TENT4B: variants seen among roughly 807,000 people sequenced by gnomAD.
TENT4B encodes the protein PAP associated domain containing 5.
A neutral mutation model predicts 75.0 loss-of-function variants in TENT4B; 10 were observed. The observed-to-expected ratio is 0.13, with a 90% CI of 0.08 to 0.23. The LOEUF is 0.23. Among genes scored for constraint, TENT4B ranks in the 10% least tolerant of loss-of-function variants. TENT4B has a pLI of 1.00. For missense variants in TENT4B, 579 were observed against 893.8 expected (o/e 0.65, Z 4.49); for synonymous variants, 350 against 357.7 (o/e 0.98, Z 0.24).
At position 50,220,402 on chromosome 16, in the gene TENT4B, AC is replaced by A. The variant is rs574863378; in HGVS notation, c.1039-1903del. ...GCTATGTTGCCCAAGCTGTTCTTAAACTCCTGGGCTCAAGCAGTCCTCCTTC... is the reference window on the plus strand; with the variant it reads ...GCTATGTTGCCCAAGCTGTTCTTAAATCCTGGGCTCAAGCAGTCCTCCTTC... On this transcript the variant is annotated intron_variant, in intron 5 of 11. Coordinates refer to ENST00000561678, the MANE Select transcript of TENT4B (RefSeq NM_001365324.3). 1.3e-4 allele frequency among the ~76,000 whole-genome samples: 20 copies of A among 148,224 alleles called. 2 individuals carry two copies. In the East Asian group the frequency reaches 3.8e-3, roughly 28 times the overall value.
At chr16:50,214,079 G>C in intron 2 of TENT4B, 142 bp from the exon 3 acceptor site, 1 of 636,550 alleles carries the variant, frequency 1.6e-6, no homozygotes, top group Non-Finnish European at 2.8e-6. Flanking sequence ...ATGAAGCTTG[G>C]GGTTAGAAAA....
intron 1 of TENT4B, among the ~76,000 whole-genome samples, chr16:50,167,759 G>A (rs936947093): frequency 1.2e-4 from 18 of 151,954 alleles, no homozygotes; most frequent in African/African-American, 4.1e-4. Context: ...CTCGGTTCAA[G>A]CAATTCTCAT....
At chr16:50,164,768 G>T (rs1175195121) in intron 1 of TENT4B, among the ~76,000 whole-genome samples, 1 of 152,046 alleles carries the variant, frequency 6.6e-6, no homozygotes, top group African/African-American at 2.4e-5. Context: ...GGCTGGGCAT[G>T]GTGGCTCACC....
upstream of TENT4B, among the ~76,000 whole-genome samples, chr16:50,153,194 G>GA (rs1359596918): frequency 8.1e-6 from 1 of 123,850 alleles, no homozygotes; most frequent in Non-Finnish European, 1.8e-5. Context: ...GGGGGGGGGG[G>GA]GCGGAGCGAG....
chr16:50,172,683 C>A (rs1455050045), intron 1 of TENT4B, among the ~76,000 whole-genome samples: 1 of 152,008 alleles, frequency 6.6e-6, no homozygotes, highest in African/African-American at 2.4e-5. Flanking sequence ...CCGTAATTTA[C>A]TTTAGAGTTC....
At chr16:50,183,283 A>G (rs1292153071) in intron 1 of TENT4B, among the ~76,000 whole-genome samples, 1 of 151,896 alleles carries the variant, frequency 6.6e-6, no homozygotes, top group Non-Finnish European at 1.5e-5. Flanking sequence ...ACCTCAGGTG[A>G]TCCACCCACC....
At position 50,232,452 on chromosome 16, in the gene TENT4B, TG is replaced by T; in HGVS notation, c.*3127del. Reference sequence around the variant, plus strand: ...TCCTAGATCTGCACAGGGCAAAACATGGGCTATAGGGTGAGCATTTTTAATT... The same window carrying T: ...TCCTAGATCTGCACAGGGCAAAACATGGCTATAGGGTGAGCATTTTTAATT... On this transcript the variant is annotated 3_prime_UTR_variant, in exon 12 of 12. Transcript: ENST00000561678. The T allele has an allele frequency of 1.0e-6, 1 of 985,308 alleles. No individual in the cohort carries two copies. Among genetic ancestry groups the T allele is most frequent in the Non-Finnish European group, 1.2e-6 (1 of 829,942 alleles). The allele number at this position is 985,308 out of a possible 1,614,324, so 61.0% of individuals were successfully genotyped here. A position where few individuals can be genotyped will look rare whatever the true frequency, so the allele number is the denominator to read the frequency against.
At chr16:50,209,344 A>C (rs919144835) in intron 1 of TENT4B, among the ~76,000 whole-genome samples, 7 of 152,210 alleles carry the variant, frequency 4.6e-5, no homozygotes, top group Non-Finnish European at 1.0e-4. Flanking sequence ...GCAAAGCATA[A>C]GCTTCCTAAC....
At chr16:50,223,613 C>G (rs780148962) in intron 7 of TENT4B, among the ~76,000 whole-genome samples, 10 of 152,164 alleles carry the variant, frequency 6.6e-5, no homozygotes, top group Non-Finnish European at 1.5e-4. Flanking sequence ...CTGTTTAACC[C>G]TAAAAGCATA....
intron 1 of TENT4B, among the ~76,000 whole-genome samples, chr16:50,161,086 C>T (rs1262912008): frequency 6.6e-6 from 1 of 152,138 alleles, no homozygotes; most frequent in African/African-American, 2.4e-5. Flanking sequence ...TTCTTTCCAC[C>T]CCAGAATATT....
At chr16:50,192,766 CT>C (rs10708882) in intron 1 of TENT4B, among the ~76,000 whole-genome samples, 101,304 of 152,066 alleles carry the variant, frequency 0.67, 35,635 homozygotes, top group Non-Finnish European at 0.76. Flanking sequence ...TATAATTCTT[CT>C]TTTGACTTCT....
In TENT4B at chr16:50,230,696, A is replaced by G. The variant is rs747221227; in HGVS notation, c.*1368A>G. 90 of 985,694 alleles carry G rather than the reference A, an allele frequency of 9.1e-5. No individual in the cohort carries two copies. In the Middle Eastern group the frequency reaches 1.6e-3, roughly 17 times the overall value. 61.1% of individuals were successfully genotyped at this position (985,694 alleles called of 1,614,324 possible). ...CTTTTTTAAACATTGGCTTGTTTCA[A>G]TCATACTGTAAATTTTGGTTGTAGT... On this transcript the variant is annotated 3_prime_UTR_variant, in exon 12 of 12. Transcript: ENST00000561678.
chr16:50,189,530 G>T (rs1567493184), intron 1 of TENT4B, among the ~76,000 whole-genome samples: 1 of 152,122 alleles, frequency 6.6e-6, no homozygotes, highest in Non-Finnish European at 1.5e-5. Context: ...GCCCTGGGCT[G>T]TCTCTGTGAG....
intron 1 of TENT4B, among the ~76,000 whole-genome samples, chr16:50,157,773 T>A (rs957398614): frequency 3.3e-5 from 5 of 150,576 alleles, no homozygotes; most frequent in African/African-American, 9.8e-5. Flanking sequence ...TTTATTTTTT[T>A]AATTTTTTTT....
intron 5 of TENT4B, among the ~76,000 whole-genome samples, chr16:50,221,165 AG>A (rs2031810861): frequency 6.6e-6 from 1 of 152,138 alleles, no homozygotes; most frequent in South Asian, 2.1e-4. Flanking sequence ...CTGAGGTCGG[AG>A]GATCACTTGA....
At chr16:50,180,624 G>A (rs73571782) in intron 1 of TENT4B, among the ~76,000 whole-genome samples, 2,538 of 151,450 alleles carry the variant, frequency 0.017, 71 homozygotes, top group African/African-American at 0.056. Flanking sequence ...CATGAGAATC[G>A]CTTTAACTTA....
chr16:50,213,208 G>A (rs1388554940), intron 2 of TENT4B, among the ~76,000 whole-genome samples: 2 of 152,018 alleles, frequency 1.3e-5, no homozygotes, highest in Admixed American at 6.6e-5. Context: ...TCAGGCGCCC[G>A]TCACCACACC....
At chr16:50,193,342 T>G (rs1316229417) in intron 1 of TENT4B, among the ~76,000 whole-genome samples, 1 of 148,112 alleles carries the variant, frequency 6.8e-6, no homozygotes, top group Non-Finnish European at 1.5e-5. Context: ...TTTTTTTTTT[T>G]TTTTTTTTTT....
rs1488651144 is a variant in TENT4B at position 50,231,551 on chromosome 16, G to A, written c.*2223G>A. The A allele has an allele frequency of 3.0e-6, 3 of 985,666 alleles. No individual in the cohort carries two copies. The highest frequency in any genetic ancestry group is 2.4e-6 in the Non-Finnish European group (2 of 829,906). 61.1% of individuals were successfully genotyped at this position (985,666 alleles called of 1,614,324 possible). The stretch of plus-strand genomic sequence containing the variant: ...AATATTAGTGTTCCAATAAGCATGT[G>A]ATTATATTAAGGTGGTGGTAGCGGG... On this transcript the variant is annotated 3_prime_UTR_variant, in exon 12 of 12. Coordinates refer to ENST00000561678, the MANE Select transcript of TENT4B (RefSeq NM_001365324.3).
Sources: allele counts gnomAD v4.1 joint callset (sites outside exome capture counted in the v4.1 genomes callset), GRCh38; gene constraint gnomAD v4.1.1; transcripts MANE v1.5; gene names NCBI Gene and HGNC (gene_info 2026-07-23, HGNC 2026-07-21).